Variants in NBEA observed in about 807,000 individuals in gnomAD.
The protein encoded by NBEA is neurobeachin, also known as lysosomal-trafficking regulator 2.
NBEA carries 44 observed loss-of-function variants against 343.4 expected under a neutral mutation model. The observed-to-expected ratio is 0.13, with a 90% CI of 0.10 to 0.16. NBEA has a LOEUF of 0.16. NBEA is among the 10% of genes least tolerant of loss of function. The pLI is 1.00. For missense variants in NBEA, 2,555 were observed against 3,631.3 expected, an observed-to-expected ratio of 0.70 and a Z score of 7.62; for synonymous variants, 1,175 against 1,238.7, an observed-to-expected ratio of 0.95 and a Z score of 1.08.
intron 10 of NBEA, among the ~76,000 whole-genome samples, chr13:35,094,082 A>G (rs1007549880): frequency 1.3e-5 from 2 of 151,946 alleles, no homozygotes; most frequent in African/African-American, 4.8e-5. Flanking sequence ...GCACTTTTTT[A>G]TACTTCTTAA....
chr13:35,646,526 C>T (rs2084240619), intron 51 of NBEA, among the ~76,000 whole-genome samples, 178 bp downstream of exon 51: 1 of 152,152 alleles, frequency 6.6e-6, no homozygotes, highest in African/African-American at 2.4e-5. Flanking sequence ...TGTAAATCTA[C>T]CTTTAAGTCC....
intron 10 of NBEA, among the ~76,000 whole-genome samples, chr13:35,097,092 TATA>T (rs976286192): frequency 1.3e-5 from 2 of 151,944 alleles, no homozygotes; most frequent in East Asian, 1.9e-4. Flanking sequence ...TATGAATTTT[TATA>T]ATAATGATAA....
chr13:35,235,315 A>G lies in NBEA; in HGVS notation c.5776+2696A>G, dbSNP rs564905195. ...TTATTAAAATAAAGAAGTTCAGTAA[A>G]CATCATTGAAAAAACAAATCTTAAA... On this transcript the variant is annotated intron_variant, in intron 34 of 58. Transcript: ENST00000379939. Among the ~76,000 whole-genome samples the G allele has an allele frequency of 5.3e-3, 807 of 152,314 alleles. 3 individuals carry two copies. Among genetic ancestry groups the G allele is most frequent in the Non-Finnish European group, 8.4e-3 (572 of 68,034 alleles).
At chr13:35,219,475 A>G (rs1208471977) in intron 33 of NBEA, among the ~76,000 whole-genome samples, 4 of 152,128 alleles carry the variant, frequency 2.6e-5, no homozygotes, top group African/African-American at 9.7e-5. Context: ...ACCTCTAACA[A>G]GTTTTTAGGT....
At chr13:35,618,577 G>A (rs564183471) in intron 48 of NBEA, among the ~76,000 whole-genome samples, 101 of 152,262 alleles carry the variant, frequency 6.6e-4, no homozygotes, top group African/African-American at 2.3e-3. Flanking sequence ...CTGGAAAAGC[G>A]ATACAGACAC....
At chr13:35,382,987 A>C (rs908342245) in intron 38 of NBEA, among the ~76,000 whole-genome samples, 1 of 152,206 alleles carries the variant, frequency 6.6e-6, no homozygotes, top group Non-Finnish European at 1.5e-5. Flanking sequence ...TTAGACCAGC[A>C]GGCACTAATT....
At chr13:35,580,055 A>G (rs2153035474) in intron 45 of NBEA, among the ~76,000 whole-genome samples, 1 of 152,088 alleles carries the variant, frequency 6.6e-6, no homozygotes, top group East Asian at 1.9e-4. Context: ...CCTTTTTGCA[A>G]GCTATGTAGG....
At chr13:35,127,894 TCTTA>T (rs1381439634) in intron 17 of NBEA, among the ~76,000 whole-genome samples, 1 of 151,710 alleles carries the variant, frequency 6.6e-6, no homozygotes, top group Non-Finnish European at 1.5e-5. Flanking sequence ...CTAAGACCAG[TCTTA>T]CTGTCATTAA....
rs1185919983 is a variant in NBEA at position 35,159,892 on chromosome 13, A to G, written c.3721A>G (p.Thr1241Ala). Residue 1241 changes from threonine to alanine, a missense_variant, in exon 22 of 59, where the codon ACT becomes GCT. Thr to Ala is a moderately conservative substitution (Grantham distance 58). Around this residue, in one of 21 missense-constraint regions of NBEA, gnomAD observed 367 missense variants for 377.5 expected, o/e 0.97. Coordinates refer to ENST00000379939, the MANE Select transcript of NBEA (RefSeq NM_001385012.1). ...GLEYAEMTAT[T>A]LETESSSSKI... The stretch of plus-strand genomic sequence containing the variant: ...GGAGTATGCTGAAATGACTGCTACA[A>G]CTCTGGAAACTGAGTCTTCTAGTAG... 5 of 1,599,914 alleles carry G rather than the reference A, an allele frequency of 3.1e-6. No individual in the cohort carries two copies. Among genetic ancestry groups the G allele is most frequent in the East Asian group, 2.3e-5 (1 of 44,372 alleles).
rs181255034 is a variant in NBEA, at chr13:35,593,264, C to T, written c.7177-64C>T. 32 of 1,559,086 alleles carry T rather than the reference C, an allele frequency of 2.1e-5. No individual in the cohort carries two copies. In the Admixed American group the frequency reaches 3.9e-4, roughly 19 times the overall value. Reference sequence around the variant, plus strand: ...AAGGATTTTCAAGATAGCCATGTTTCACAAAGGAACGAGGGCAGCTGTGTT... The same window carrying T: ...AAGGATTTTCAAGATAGCCATGTTTTACAAAGGAACGAGGGCAGCTGTGTT... On this transcript the variant is annotated intron_variant, in intron 46 of 58. Coordinates refer to ENST00000379939, the MANE Select transcript of NBEA (RefSeq NM_001385012.1).
intron 33 of NBEA, among the ~76,000 whole-genome samples, chr13:35,221,215 G>T (rs1593807412): frequency 6.6e-6 from 1 of 152,022 alleles, no homozygotes; most frequent in Non-Finnish European, 1.5e-5. Flanking sequence ...ATGGTGGTGA[G>T]TGCCTGTAAT....
At chr13:35,505,909 A>G (rs947578324) in intron 41 of NBEA, among the ~76,000 whole-genome samples, 5 of 152,208 alleles carry the variant, frequency 3.3e-5, no homozygotes, top group Non-Finnish European at 5.9e-5. Flanking sequence ...AATATTTTGC[A>G]TATAAAAACA....
intron 35 of NBEA, among the ~76,000 whole-genome samples, chr13:35,299,701 A>G (rs138307668): frequency 6.7e-4 from 102 of 152,314 alleles, no homozygotes; most frequent in Non-Finnish European, 1.3e-3. Flanking sequence ...TTATTTTTTC[A>G]GCAGAAAAGT....
intron 8 of NBEA, among the ~76,000 whole-genome samples, chr13:35,064,308 A>T (rs1360533096): frequency 6.6e-6 from 1 of 151,950 alleles, no homozygotes; most frequent in Non-Finnish European, 1.5e-5. Flanking sequence ...AATGAGGAGA[A>T]CAAGGGAATA....
In NBEA at chr13:35,564,181, T is replaced by G. The variant is rs561416734; in HGVS notation, c.6923-2724T>G. Among the ~76,000 whole-genome samples, 3 of 152,216 alleles carry G rather than the reference T, an allele frequency of 2.0e-5. No homozygotes were observed. The East Asian group carries it at 5.8e-4, about 29-fold the overall frequency. On this transcript the variant is annotated intron_variant, in intron 44 of 58. Transcript: ENST00000379939. ...TACTGTGTTTATGTAAATTGGCTTT[T>G]TAACAGTTTTCCTTAATATATAAAT...
At chr13:35,217,522 A>T (rs1340253629) in intron 33 of NBEA, among the ~76,000 whole-genome samples, 3 of 151,934 alleles carry the variant, frequency 2.0e-5, no homozygotes, top group Admixed American at 2.0e-4. Flanking sequence ...TAAGTCTGTG[A>T]TCTATTTTGA....
intron 38 of NBEA, among the ~76,000 whole-genome samples, chr13:35,425,939 A>T (rs558738981): frequency 2.6e-5 from 4 of 152,180 alleles, no homozygotes; most frequent in Admixed American, 2.0e-4. Flanking sequence ...GTTGGTTTAA[A>T]GTCTGTTTTA....
intron 1 of NBEA, among the ~76,000 whole-genome samples, chr13:34,998,517 C>T (rs919760883): frequency 1.3e-5 from 2 of 152,102 alleles, no homozygotes; most frequent in South Asian, 4.2e-4. Context: ...AGACAGCTGC[C>T]CCCAAAGCGG....
chr13:35,473,994 G>A (rs2075759501), intron 41 of NBEA, among the ~76,000 whole-genome samples: 2 of 152,116 alleles, frequency 1.3e-5, no homozygotes, highest in African/African-American at 4.8e-5. Flanking sequence ...TTCTGTTGTA[G>A]AAAGGAATTG....
Sources: gnomAD v4.1 joint callset for allele counts (sites outside exome capture counted in the v4.1 genomes callset) on GRCh38, gnomAD v4.1.1 for gene constraint, gnomAD v4.1.1 regional missense constraint, MANE v1.5 for transcripts, NCBI Gene and HGNC (gene_info 2026-07-23, HGNC 2026-07-21) for gene names.